ST8SIA6: variants seen among roughly 807,000 people sequenced by gnomAD.
ST8SIA6 encodes the protein ST8 alpha-N-acetyl-neuraminide alpha-2,8-sialyltransferase 6, also known as alpha-2,8-sialyltransferase 8F.
A neutral mutation model predicts 33.6 loss-of-function variants in ST8SIA6; 39 were observed. The observed-to-expected ratio is 1.16, with a 90% CI of 0.90 to 1.52. The LOEUF (loss-of-function observed/expected upper bound fraction) is 1.52, where lower values mean the gene tolerates loss of function less well. Among genes scored for constraint, ST8SIA6 ranks in the 40% most tolerant of loss-of-function variants. The probability of loss-of-function intolerance (pLI) is 0.00; values close to 1 mark genes in which losing one functional copy is unlikely to be tolerated. For synonymous variants in ST8SIA6, 172 were observed against 167.2 expected, an observed-to-expected ratio of 1.03 and a Z score of -0.22; for missense variants, 441 against 443.8, an observed-to-expected ratio of 0.99 and a Z score of 0.06.
At chr10:17,350,346 T>C (rs1345203076) in intron 4 of ST8SIA6, among the ~76,000 whole-genome samples, 1 of 152,036 alleles carries the variant, frequency 6.6e-6, no homozygotes, top group Admixed American at 6.5e-5. Context: ...CATGCTGACA[T>C]ACTGTGATTT....
At chr10:17,323,227 G>GCGCGCACGCACA in intron 6 of ST8SIA6, 70 bp from the exon 7 acceptor site, 1 of 806,862 alleles carries the variant, frequency 1.2e-6, no homozygotes, top group African/African-American at 3.5e-5. Flanking sequence ...ACACATATGC[G>GCGCGCACGCACA]CGCACACACA....
intron 2 of ST8SIA6, among the ~76,000 whole-genome samples, chr10:17,420,305 G>T (rs1050565382): frequency 6.6e-6 from 1 of 152,152 alleles, no homozygotes; most frequent in African/African-American, 2.4e-5. Flanking sequence ...CCAGCTACTC[G>T]GGAGGCTGAG....
chr10:17,449,510 G>A (rs928844093), intron 2 of ST8SIA6, among the ~76,000 whole-genome samples: 4 of 152,100 alleles, frequency 2.6e-5, no homozygotes, highest in African/African-American at 9.7e-5. Context: ...TTTCCTGAAA[G>A]AATGCAAAAA....
chr10:17,405,505 T>G (rs1197397400), intron 2 of ST8SIA6, among the ~76,000 whole-genome samples: 1 of 150,732 alleles, frequency 6.6e-6, no homozygotes, highest in Non-Finnish European at 1.5e-5. Context: ...AATAAACAAA[T>G]TACAGTGATC....
intron 4 of ST8SIA6, among the ~76,000 whole-genome samples, chr10:17,352,954 C>T (rs1207064404): frequency 6.6e-6 from 1 of 152,036 alleles, no homozygotes; most frequent in Non-Finnish European, 1.5e-5. Context: ...AAAGTACACA[C>T]TTCTTAAATT....
chr10:17,399,489 A>T (rs1260224990), intron 2 of ST8SIA6, among the ~76,000 whole-genome samples: 1 of 152,198 alleles, frequency 6.6e-6, no homozygotes, highest in African/African-American at 2.4e-5. Flanking sequence ...AATGTCTGCA[A>T]ATAGTATCTG....
intron 4 of ST8SIA6, among the ~76,000 whole-genome samples, chr10:17,333,684 TATATATATATATATATATATATATATA>T (rs1848376532): frequency 6.2e-5 from 1 of 16,202 alleles, no homozygotes. Context: ...TATATATATA[TATATATATATATATATATATATATATA>T]TATATATTTT....
chr10:17,331,282 A>T, intron 5 of ST8SIA6, 126 bp downstream of exon 5: 2 of 1,251,292 alleles, frequency 1.6e-6, no homozygotes, highest in Non-Finnish European at 2.1e-6. Context: ...TCACTGTCCA[A>T]ATTTTATACA....
At chr10:17,353,411 A>G (rs942892328) in intron 4 of ST8SIA6, among the ~76,000 whole-genome samples, 15 of 152,188 alleles carry the variant, frequency 9.9e-5, no homozygotes, top group African/African-American at 3.4e-4. Flanking sequence ...AATGTCATAT[A>G]GCTGAAACAA....
Position 17,320,561 on chromosome 10 carries a change from G to A in ST8SIA6, c.*317C>T, listed in dbSNP as rs1847909705. ...CTTTTATTATCGGTCTGGTGAAGGT[G>A]GAGATGGCTGGTATAAATAGTAAGA... On this transcript the variant is annotated 3_prime_UTR_variant, in exon 8 of 8. Transcript: ENST00000377602. 4 of 296,816 alleles carry A rather than the reference G, an allele frequency of 1.3e-5. No homozygotes were observed. The South Asian group carries it at 1.9e-4, about 14-fold the overall frequency. The allele number at this position is 296,816 out of a possible 1,614,324, so 18.4% of individuals were successfully genotyped here.
chr10:17,437,542 G>C (rs1458228740), intron 2 of ST8SIA6, among the ~76,000 whole-genome samples: 1 of 151,928 alleles, frequency 6.6e-6, no homozygotes, highest in Non-Finnish European at 1.5e-5. Flanking sequence ...ACTCACCTTG[G>C]AGAGATCAAC....
At chr10:17,373,143 C>T (rs1238317081) in intron 3 of ST8SIA6, among the ~76,000 whole-genome samples, 1 of 152,300 alleles carries the variant, frequency 6.6e-6, no homozygotes, top group African/African-American at 2.4e-5. Context: ...CCCAGATAAC[C>T]TCACCTCTGA....
chr10:17,377,673 A>G (rs1849963571), intron 3 of ST8SIA6, among the ~76,000 whole-genome samples: 1 of 152,316 alleles, frequency 6.6e-6, no homozygotes, highest in Middle Eastern at 3.4e-3. Flanking sequence ...AGTTAAGACT[A>G]GGGGAGAAAA....
At chr10:17,386,171 A>ACT (rs113410705) in intron 3 of ST8SIA6, among the ~76,000 whole-genome samples, 59,497 of 146,052 alleles carry the variant, frequency 0.41, 12,118 homozygotes, top group East Asian at 0.65. Flanking sequence ...ACGGAGTGAG[A>ACT]CTGTCACACA....
At chr10:17,434,445 C>T (rs770171041) in intron 2 of ST8SIA6, among the ~76,000 whole-genome samples, 22 of 152,266 alleles carry the variant, frequency 1.4e-4, no homozygotes, top group Non-Finnish European at 2.6e-4. Context: ...ATCCACTGAA[C>T]GGATGAATGA....
rs1852541338 is a variant in ST8SIA6 at position 17,442,636 on chromosome 10, T to A, written c.200+10923A>T. Among the ~76,000 whole-genome samples, 3 of 152,290 alleles carry A rather than the reference T, an allele frequency of 2.0e-5. No individual in the cohort carries two copies. The South Asian group carries it at 6.2e-4, about 32-fold the overall frequency. On this transcript the variant is annotated intron_variant, in intron 2 of 7. Transcript: ENST00000377602. ...TCTCCAAATTATTTATTTGAAAAAA[T>A]TCTCCTAAGTACAAATATCATAAGA...
intron 2 of ST8SIA6, among the ~76,000 whole-genome samples, chr10:17,448,645 T>G (rs932461431): frequency 2.6e-5 from 4 of 151,914 alleles, no homozygotes; most frequent in Non-Finnish European, 4.4e-5. Context: ...AGACAGAGTC[T>G]CGCTCTGTCA....
chr10:17,330,409 T>C (rs573119838), intron 5 of ST8SIA6, among the ~76,000 whole-genome samples: 18 of 152,324 alleles, frequency 1.2e-4, no homozygotes, highest in Non-Finnish European at 2.5e-4. Context: ...CAATCACTGG[T>C]CATTTCAGGG....
chr10:17,373,446 C>T (rs2131634753), intron 3 of ST8SIA6, among the ~76,000 whole-genome samples: 1 of 152,278 alleles, frequency 6.6e-6, no homozygotes, highest in Middle Eastern at 3.4e-3. Flanking sequence ...GTAATACAGA[C>T]CCTGCGAGGC....
Sources: gnomAD v4.1 joint callset for allele counts (sites outside exome capture counted in the v4.1 genomes callset) on GRCh38, gnomAD v4.1.1 for gene constraint, MANE v1.5 for transcripts, NCBI Gene and HGNC (gene_info 2026-07-23, HGNC 2026-07-21) for gene names.